Variants in CSTPP1 observed in about 807,000 individuals in gnomAD.
CSTPP1 encodes the protein centriolar satellite-associated tubulin polyglutamylase complex regulator 1.
chr11:47,148,385 T>G, the CSTPP1 span, among the ~76,000 whole-genome samples: 1 of 151,172 alleles, frequency 6.6e-6, no homozygotes, highest in Non-Finnish European at 1.5e-5. Flanking sequence ...GACTGACACC[T>G]TGACTTGCGG....
the CSTPP1 span, chr11:47,137,223 C>T: frequency 5.7e-6 from 7 of 1,224,290 alleles, no homozygotes; most frequent in Non-Finnish European, 7.5e-6. Flanking sequence ...TCCAGATATT[C>T]TGTGGATGGT....
chr11:47,134,144 T>C, the CSTPP1 span, among the ~76,000 whole-genome samples: 1 of 152,096 alleles, frequency 6.6e-6, no homozygotes, highest in African/African-American at 2.4e-5. Context: ...AATAATGGAG[T>C]CTACTTCATA....
chr11:47,029,615 C>CA, the CSTPP1 span, among the ~76,000 whole-genome samples: 885 of 129,458 alleles, frequency 6.8e-3, 1 homozygote, highest in South Asian at 0.019. Context: ...GACTCTATCT[C>CA]AAAAAAAAAA....
chr11:47,109,093 A>G, the CSTPP1 span: 1 of 152,138 alleles, frequency 6.6e-6, no homozygotes, highest in Admixed American at 6.6e-5. Flanking sequence ...GGGCTCACCA[A>G]AAATGAAGAT....
chr11:46,949,669 CTTT>C, the CSTPP1 span, among the ~76,000 whole-genome samples: 3 of 142,040 alleles, frequency 2.1e-5, no homozygotes, highest in Admixed American at 7.1e-5. Context: ...GAGAAAATAA[CTTT>C]TTTTTTTTTT....
the CSTPP1 span, among the ~76,000 whole-genome samples, chr11:47,148,383 C>T: frequency 1.3e-4 from 19 of 151,964 alleles, 1 homozygote; most frequent in South Asian, 4.0e-3. Flanking sequence ...ATGACTGACA[C>T]CTTGACTTGC....
At chr11:46,999,313 AC>A in the CSTPP1 span, among the ~76,000 whole-genome samples, 368 of 152,158 alleles carry the variant, frequency 2.4e-3, 1 homozygote, top group African/African-American at 8.1e-3. Context: ...TGAGATGGGT[AC>A]TATTATTATT....
chr11:47,131,667 T>C, the CSTPP1 span, among the ~76,000 whole-genome samples: 1 of 152,136 alleles, frequency 6.6e-6, no homozygotes, highest in South Asian at 2.1e-4. Flanking sequence ...TAGGCTTCCT[T>C]TGGTTTTCAT....
At chr11:47,153,681 C>T in the CSTPP1 span, among the ~76,000 whole-genome samples, 17 of 152,332 alleles carry the variant, frequency 1.1e-4, no homozygotes, top group East Asian at 3.3e-3. Flanking sequence ...TAGCCTGCCA[C>T]GCAGTAGGGC....
At chr11:46,971,911 G>T in the CSTPP1 span, among the ~76,000 whole-genome samples, 1 of 152,194 alleles carries the variant, frequency 6.6e-6, no homozygotes, top group Non-Finnish European at 1.5e-5. Context: ...TTGTGCCACT[G>T]CACTTCAGCA....
At chr11:46,974,583 G>A in the CSTPP1 span, among the ~76,000 whole-genome samples, 4 of 151,574 alleles carry the variant, frequency 2.6e-5, no homozygotes, top group South Asian at 2.1e-4. Context: ...ACTAACACCT[G>A]TAATCCCAGC....
chr11:46,993,981 G>T, the CSTPP1 span, among the ~76,000 whole-genome samples: 2 of 152,136 alleles, frequency 1.3e-5, no homozygotes, highest in Admixed American at 1.3e-4. Context: ...TCTCCTTGAA[G>T]AGGTCCTTCA....
the CSTPP1 span, among the ~76,000 whole-genome samples, chr11:46,978,641 C>T: frequency 6.6e-6 from 1 of 152,190 alleles, no homozygotes; most frequent in Non-Finnish European, 1.5e-5. Flanking sequence ...TAAATATCTA[C>T]AATAGCATCC....
chr11:47,128,662 A>G, the CSTPP1 span, among the ~76,000 whole-genome samples: 4 of 152,206 alleles, frequency 2.6e-5, no homozygotes, highest in Non-Finnish European at 4.4e-5. Flanking sequence ...TGCCGGGATT[A>G]CAAGCATGAG....
chr11:46,987,267 G>A, the CSTPP1 span: 1 of 1,614,188 alleles, frequency 6.2e-7, no homozygotes. Flanking sequence ...AGAAAACAGG[G>A]AAGATATTAG....
At chr11:47,086,506 AG>A in the CSTPP1 span, among the ~76,000 whole-genome samples, 2 of 151,734 alleles carry the variant, frequency 1.3e-5, no homozygotes, top group Non-Finnish European at 2.9e-5. Flanking sequence ...GGGAGGAAGT[AG>A]GGGGTAAAGG....
the CSTPP1 span, among the ~76,000 whole-genome samples, chr11:46,991,348 G>C: frequency 1.3e-5 from 2 of 152,114 alleles, no homozygotes; most frequent in East Asian, 3.8e-4. Context: ...ATGAAATCTA[G>C]ATTTTTTATG....
At chr11:47,047,154 A>C in the CSTPP1 span, among the ~76,000 whole-genome samples, 7 of 152,038 alleles carry the variant, frequency 4.6e-5, no homozygotes, top group Admixed American at 2.0e-4. Context: ...GCCCGCGTCA[A>C]CCTCCCAAAG....
chr11:46,986,417 C>T, the CSTPP1 span, among the ~76,000 whole-genome samples: 5 of 147,598 alleles, frequency 3.4e-5, no homozygotes, highest in East Asian at 9.6e-4. Context: ...TAAACCTTTC[C>T]AGTGACTTTT....
Sources: allele counts gnomAD v4.1 joint callset (sites outside exome capture counted in the v4.1 genomes callset), GRCh38; gene constraint gnomAD v4.1.1; transcripts MANE v1.5; gene names NCBI Gene and HGNC (gene_info 2026-07-23, HGNC 2026-07-21).